The following OVOL2 variants were observed in gnomAD, a reference collection of about 807,000 sequenced individuals.
The protein encoded by OVOL2 is transcription factor Ovo-like 2.
A neutral mutation model predicts 18.1 loss-of-function variants in OVOL2; 13 were observed. The observed-to-expected ratio is 0.72, with a 90% CI of 0.47 to 1.14. OVOL2 has a LOEUF of 1.14. OVOL2 is among the 50% of genes most tolerant of loss of function. The pLI is 0.00. For synonymous variants in OVOL2, 166 were observed against 162.7 expected (o/e 1.02, Z -0.16); for missense variants, 335 against 383.0 (o/e 0.87, Z 1.05).
At chr20:18,032,028 G>A (rs1600436083) in intron 3 of OVOL2, among the ~76,000 whole-genome samples, 1 of 151,982 alleles carries the variant, frequency 6.6e-6, no homozygotes, top group South Asian at 2.1e-4. Flanking sequence ...GGACATTTAC[G>A]GCAGCCTCCC....
At chr20:18,026,660 C>A (rs529786553) in intron 3 of OVOL2, among the ~76,000 whole-genome samples, 29 of 152,156 alleles carry the variant, frequency 1.9e-4, no homozygotes, top group Admixed American at 1.8e-3. Flanking sequence ...GGATTACAGG[C>A]GTGAGCCACC....
intron 2 of OVOL2, among the ~76,000 whole-genome samples, chr20:18,049,976 T>C (rs149502121): frequency 7.2e-5 from 11 of 152,048 alleles, no homozygotes; most frequent in Non-Finnish European, 1.6e-4. Flanking sequence ...TGCTGAAAGG[T>C]TGAGGATCCT....
chr20:18,031,460 C>T (rs1213680171), intron 3 of OVOL2, among the ~76,000 whole-genome samples: 1 of 152,076 alleles, frequency 6.6e-6, no homozygotes, highest in Non-Finnish European at 1.5e-5. Flanking sequence ...GCCTGTAATC[C>T]CAGCTACTCG....
intron 3 of OVOL2, among the ~76,000 whole-genome samples, chr20:18,035,839 C>T (rs896058085): frequency 8.5e-5 from 13 of 152,118 alleles, no homozygotes; most frequent in African/African-American, 2.9e-4. Flanking sequence ...TATCTTAGTG[C>T]CATCCAATAG....
At chr20:18,031,761 T>G (rs1369322601) in intron 3 of OVOL2, among the ~76,000 whole-genome samples, 1 of 152,220 alleles carries the variant, frequency 6.6e-6, no homozygotes, top group East Asian at 1.9e-4. Context: ...CCGTCTGCCC[T>G]TTTGAATTTT....
At chr20:18,029,938 C>T (rs2036552939) in intron 3 of OVOL2, among the ~76,000 whole-genome samples, 1 of 152,162 alleles carries the variant, frequency 6.6e-6, no homozygotes, top group Non-Finnish European at 1.5e-5. Context: ...CATGATCGCA[C>T]CACTGCACTC....
rs377539929 is a variant in OVOL2, at chr20:18,039,591, G to C, written c.511+1943C>G. Among the ~76,000 whole-genome samples the C allele has an allele frequency of 1.9e-3, 241 of 129,060 alleles. 1 individual carries two copies. Among genetic ancestry groups the C allele is most frequent in the South Asian group, 0.013 (53 of 3,950 alleles). 84.7% of individuals were successfully genotyped at this position (129,060 alleles called of 152,430 possible). A position where few individuals can be genotyped will look rare whatever the true frequency, so the allele number is the denominator to read the frequency against. On this transcript the variant is annotated intron_variant, in intron 3 of 3. Transcript: ENST00000278780. ...TGGCTGCACTCCAGCCTGGGTGAGA[G>C]AGCAAGACGCTGTCTCAAAAAAAAA...
rs1360391942 is a variant in OVOL2 at position 18,056,811 on chromosome 20, CCGCTGCTGCTGCCGCCGT to C, written c.149_166del (p.Asp50_Ser55del). 2 of 1,492,548 alleles carry C rather than the reference CCGCTGCTGCTGCCGCCGT, an allele frequency of 1.3e-6. No individual in the cohort carries two copies. The highest frequency in any genetic ancestry group is 1.8e-6 in the Non-Finnish European group (2 of 1,128,508). The allele number at this position is 1,492,548 out of a possible 1,614,324, so 92.5% of individuals were successfully genotyped here. ...CTCCCCCGCGCTGCTGCTGCCGCTGCCGCTGCTGCTGCCGCCGTCGCTGCGGCAGTCCTCGGGGGGGTC... is the reference window on the plus strand; with the variant it reads ...CTCCCCCGCGCTGCTGCTGCCGCTGCCGCTGCGGCAGTCCTCGGGGGGGTC... On this transcript the variant is annotated inframe_deletion, in exon 2 of 4. Transcript: ENST00000278780. The surrounding 1 kb of genome is among the most constrained non-coding windows in gnomAD (Gnocchi z 4.2).
chr20:18,024,959 G>A lies in OVOL2; in HGVS notation c.512-7C>T. 1 of 1,605,018 alleles carries A rather than the reference G, an allele frequency of 6.2e-7. No individual in the cohort carries two copies. The highest frequency in any genetic ancestry group is 1.1e-5 in the South Asian group (1 of 90,380). ...CATTTGTAGGGACGAATGCCTGAAA[G>A]GATGAGGGACAGACACAGCATCGGT... On this transcript the variant is annotated splice_region_variant and splice_polypyrimidine_tract_variant and intron_variant, in intron 3 of 3. Transcript: ENST00000278780.
intron 3 of OVOL2, 89 bp downstream of exon 3, chr20:18,041,445 G>A (rs1022746522): frequency 2.3e-5 from 33 of 1,436,856 alleles, no homozygotes; most frequent in Non-Finnish European, 2.9e-5. Flanking sequence ...ATTGTTCCAC[G>A]GTCTCAACCT....
At chr20:18,041,201 T>C (rs1977478) in intron 3 of OVOL2, among the ~76,000 whole-genome samples, 1 of 152,066 alleles carries the variant, frequency 6.6e-6, no homozygotes, top group Non-Finnish European at 1.5e-5. Flanking sequence ...TCTTGCAATG[T>C]CACCCAGGCT....
chr20:18,056,819 G>C lies in OVOL2; in HGVS notation c.159C>G (p.Ser53Arg). ...CGCTGCTGCTGCCGCTGCCGCTGCTGCTGCCGCCGTCGCTGCGGCAGTCCT... is the reference window on the plus strand; with the variant it reads ...CGCTGCTGCTGCCGCTGCCGCTGCTCCTGCCGCCGTCGCTGCGGCAGTCCT... ...PPEDCRSDGG[S>R]SSGSGSSSAG... The change falls in exon 2 of 4, where the codon AGC becomes AGG. Residue 53 changes from serine to arginine, a missense_variant. Coordinates refer to ENST00000278780, the MANE Select transcript of OVOL2 (RefSeq NM_021220.4). The surrounding 1 kb of genome is among the most constrained non-coding windows in gnomAD (Gnocchi z 4.2). 1 of 1,492,524 alleles carries C rather than the reference G, an allele frequency of 6.7e-7. No individual in the cohort carries two copies. The highest frequency in any genetic ancestry group is 8.9e-7 in the Non-Finnish European group (1 of 1,128,554). 92.5% of individuals were successfully genotyped at this position (1,492,524 alleles called of 1,614,324 possible). A position where few individuals can be genotyped will look rare whatever the true frequency, so the allele number is the denominator to read the frequency against.
chr20:18,041,705 T>C lies in OVOL2; in HGVS notation c.340A>G (p.Ser114Gly). Reference sequence around the variant, plus strand: ...TCACAGCTGTGAACCACCGAGTCGCTGCACGTGCCTGTGGTGAACTGGGGG... The same window carrying C: ...TCACAGCTGTGAACCACCGAGTCGCCGCACGTGCCTGTGGTGAACTGGGGG... ...SKIKFTTGTC[S>G]DSVVHSCDLC... The change falls in exon 3 of 4, where the codon AGC becomes GGC. Residue 114 changes from serine (S) to glycine (G), a missense_variant. Transcript: ENST00000278780. The C allele has an allele frequency of 1.2e-6, 2 of 1,612,514 alleles. No homozygotes were observed. Among genetic ancestry groups the C allele is most frequent in the Non-Finnish European group, 1.7e-6 (2 of 1,179,338 alleles).
At chr20:18,048,711 A>C (rs1740850532) in intron 2 of OVOL2, among the ~76,000 whole-genome samples, 2 of 152,180 alleles carry the variant, frequency 1.3e-5, no homozygotes, top group South Asian at 4.1e-4. Context: ...TGTCTCAAAA[A>C]ATAAAATAAA....
At chr20:18,029,103 T>C (rs552368547) in intron 3 of OVOL2, among the ~76,000 whole-genome samples, 263 of 152,252 alleles carry the variant, frequency 1.7e-3, no homozygotes, top group African/African-American at 3.5e-3. Flanking sequence ...GTCGGCTCAC[T>C]GCAACCTCTG....
At chr20:18,052,437 T>G (rs979522605) in intron 2 of OVOL2, among the ~76,000 whole-genome samples, 3 of 152,218 alleles carry the variant, frequency 2.0e-5, no homozygotes, top group African/African-American at 7.2e-5. Context: ...CATTCTGAAC[T>G]ATTTATGGTT....
upstream of OVOL2, chr20:18,057,991 G>T: frequency 3.1e-6 from 2 of 639,762 alleles, no homozygotes; most frequent in Non-Finnish European, 4.2e-6. The surrounding 1 kb of genome is among the most constrained non-coding windows in gnomAD (Gnocchi z 6.3). Flanking sequence ...CGGCGGCCGG[G>T]GCTGCCTGTT....
At chr20:18,039,703 A>G (rs552641528) in intron 3 of OVOL2, among the ~76,000 whole-genome samples, 1 of 152,258 alleles carries the variant, frequency 6.6e-6, no homozygotes, top group African/African-American at 2.4e-5. Flanking sequence ...GCCACTCTCT[A>G]AGGTGACAGA....
upstream of OVOL2, among the ~76,000 whole-genome samples, chr20:18,058,044 G>A (rs371319876): frequency 6.6e-6 from 1 of 152,202 alleles, no homozygotes; most frequent in Non-Finnish European, 1.5e-5. Context: ...AGAATTTAAA[G>A]TCTGTTCTTC....
Sources: allele counts gnomAD v4.1 joint callset (sites outside exome capture counted in the v4.1 genomes callset), GRCh38; gene constraint gnomAD v4.1.1; non-coding constraint Gnocchi (gnomAD v3.1); transcripts MANE v1.5; gene names NCBI Gene and HGNC (gene_info 2026-07-23, HGNC 2026-07-21).